Variants in PTBP3 observed in about 807,000 individuals in gnomAD.
The protein encoded by PTBP3 is polypyrimidine tract binding protein 3, also known as polypyrimidine tract-binding protein 3.
In PTBP3, 20 loss-of-function variants were observed where a neutral mutation model predicts 58.7. That is an observed-to-expected ratio of 0.34 (90% CI 0.24 to 0.50). The LOEUF is 0.50. PTBP3 is among the 20% of genes least tolerant of loss of function. The pLI, the probability that PTBP3 is intolerant of heterozygous loss-of-function variation, is 0.98. For synonymous variants in PTBP3, 185 were observed against 219.8 expected (o/e 0.84, Z 1.40); for missense variants, 509 against 637.2 (o/e 0.80, Z 2.17).
the PTBP3 span, among the ~76,000 whole-genome samples, chr9:112,355,820 G>A: frequency 1.3e-5 from 2 of 151,802 alleles, no homozygotes; most frequent in Non-Finnish European, 2.9e-5. Context: ...AGGGTTTCGC[G>A]TTGGCCAGGC....
Position 112,222,872 on chromosome 9 carries a change from T to C in PTBP3, c.*979A>G, listed in dbSNP as rs1315193565. ...GAGATTATAGTGGTACAAAAAACCC[T>C]TGAGATTAATTTTTTTCTAAAAGAA... On this transcript the variant is annotated 3_prime_UTR_variant, in exon 14 of 14. Coordinates refer to ENST00000374257, the MANE Select transcript of PTBP3 (RefSeq NM_001163788.4). The C allele has an allele frequency of 2.2e-6, 2 of 889,658 alleles. No individual in the cohort carries two copies. The highest frequency in any genetic ancestry group is 2.7e-6 in the Non-Finnish European group (2 of 742,612). 55.1% of individuals were successfully genotyped at this position (889,658 alleles called of 1,614,324 possible). A position where few individuals can be genotyped will look rare whatever the true frequency, so the allele number is the denominator to read the frequency against.
chr9:112,247,739 A>C (rs1175662752), intron 7 of PTBP3, among the ~76,000 whole-genome samples: 1 of 152,156 alleles, frequency 6.6e-6, no homozygotes, highest in Non-Finnish European at 1.5e-5. Flanking sequence ...GGATTAAAGG[A>C]CTGTATAGAT....
rs1019418756 is a variant in PTBP3 at position 112,223,387 on chromosome 9, G to T, written c.*464C>A. ...TATGTGAATATAATTTCCTACAAGG[G>T]TCAGACTTCTGATTCATAAGGTTAA... On this transcript the variant is annotated 3_prime_UTR_variant, in exon 14 of 14. Transcript: ENST00000374257. 1 of 953,442 alleles carries T rather than the reference G, an allele frequency of 1.0e-6. No homozygotes were observed. Among genetic ancestry groups the T allele is most frequent in the South Asian group, 4.8e-5 (1 of 20,794 alleles). 59.1% of individuals were successfully genotyped at this position (953,442 alleles called of 1,614,324 possible). A position where few individuals can be genotyped will look rare whatever the true frequency, so the allele number is the denominator to read the frequency against.
chr9:112,297,447 A>G (rs113136401), intron 2 of PTBP3, among the ~76,000 whole-genome samples: 7,378 of 152,196 alleles, frequency 0.048, 400 homozygotes, highest in African/African-American at 0.14. Context: ...TCAGGTGATC[A>G]GCCAGCCTCG....
intron 5 of PTBP3, among the ~76,000 whole-genome samples, chr9:112,256,696 A>G (rs1490447263): frequency 6.6e-6 from 1 of 151,750 alleles, no homozygotes; most frequent in African/African-American, 2.4e-5. Context: ...GCTAATTTTT[A>G]AATTTTTTTA....
At chr9:112,290,532 T>C (rs902065483) in intron 2 of PTBP3, among the ~76,000 whole-genome samples, 9 of 151,240 alleles carry the variant, frequency 6.0e-5, no homozygotes, top group South Asian at 4.2e-4. Context: ...ATTAGCCATG[T>C]GTAGTGGCAC....
At chr9:112,325,712 T>C (rs1030664102) in intron 1 of PTBP3, among the ~76,000 whole-genome samples, 1 of 151,902 alleles carries the variant, frequency 6.6e-6, no homozygotes, top group Admixed American at 6.6e-5. Context: ...TATGATTCCA[T>C]TTATATGAGG....
chr9:112,219,311 A>T lies in PTBP3; in HGVS notation c.*4540T>A, dbSNP rs1834727052. 6.6e-6 allele frequency: 1 copy of T among 152,572 alleles called. No individual in the cohort carries two copies. The highest frequency in any genetic ancestry group is 2.1e-4 in the South Asian group (1 of 4,832). The allele number at this position is 152,572 out of a possible 1,614,324, so 9.5% of individuals were successfully genotyped here. A position where few individuals can be genotyped will look rare whatever the true frequency, so the allele number is the denominator to read the frequency against. The stretch of plus-strand genomic sequence containing the variant: ...AGTAAGGGGGAAAAAAGGCCAGAGT[A>T]TGATTTTTTTAATGGCATCAAAAAA... On this transcript the variant is annotated 3_prime_UTR_variant, in exon 14 of 14. Coordinates refer to ENST00000374257, the MANE Select transcript of PTBP3 (RefSeq NM_001163788.4).
chr9:112,222,808 G>T lies in PTBP3; in HGVS notation c.*1043C>A. On this transcript the variant is annotated 3_prime_UTR_variant, in exon 14 of 14. Transcript: ENST00000374257. ...AAGCACATAATAAGGCACATAATAA[G>T]AAATTAAGTAAATACACAGTAATTC... 5 of 905,572 alleles carry T rather than the reference G, an allele frequency of 5.5e-6. No homozygotes were observed. Among genetic ancestry groups the T allele is most frequent in the Non-Finnish European group, 6.6e-6 (5 of 757,100 alleles). The allele number at this position is 905,572 out of a possible 1,614,324, so 56.1% of individuals were successfully genotyped here. A position where few individuals can be genotyped will look rare whatever the true frequency, so the allele number is the denominator to read the frequency against.
At chr9:112,330,519 GAAC>G (rs1207812449) in intron 1 of PTBP3, 5 of 1,358,776 alleles carry the variant, frequency 3.7e-6, no homozygotes, top group Non-Finnish European at 5.1e-6. Context: ...CAAAGTTAGA[GAAC>G]AAGTTTTTAA....
rs530386348 is a variant in PTBP3 at position 112,274,311 on chromosome 9, G to A, written c.204+1533C>T. On this transcript the variant is annotated intron_variant, in intron 3 of 13. Coordinates refer to ENST00000374257, the MANE Select transcript of PTBP3 (RefSeq NM_001163788.4). ...CTTACTAATCTATTTATTTATAAAT[G>A]TATTTACCATGTGTTTCTTAAACCT... Among the ~76,000 whole-genome samples, 383 of 152,258 alleles carry A rather than the reference G, an allele frequency of 2.5e-3. 2 individuals are homozygous for A. The highest frequency in any genetic ancestry group is 4.3e-3 in the Non-Finnish European group (294 of 68,022).
In PTBP3 at chr9:112,275,894, G is replaced by A; in HGVS notation, c.154C>T (p.Leu52=). The change falls in exon 3 of 14, where the codon CTA becomes TTA. Residue 52 remains leucine, a synonymous_variant. Coordinates refer to ENST00000374257, the MANE Select transcript of PTBP3 (RefSeq NM_001163788.4). ...VTEAEIISLG[L]PFGKVTNLLM... The stretch of plus-strand genomic sequence containing the variant: ...AGATTAGTTACTTTGCCAAATGGTA[G>A]ACCTAATGATATGATCTCTGCTTCG... 6.2e-7 allele frequency: 1 copy of A among 1,613,884 alleles called. No homozygotes were observed. The highest frequency in any genetic ancestry group is 8.5e-7 in the Non-Finnish European group (1 of 1,179,834).
chr9:112,363,834 A>C, the PTBP3 span, among the ~76,000 whole-genome samples: 1 of 152,228 alleles, frequency 6.6e-6, no homozygotes, highest in Non-Finnish European at 1.5e-5. Flanking sequence ...TATAATCAAT[A>C]AACCAACATT....
the PTBP3 span, among the ~76,000 whole-genome samples, chr9:112,353,834 T>C: frequency 1.6e-4 from 24 of 152,130 alleles, no homozygotes; most frequent in African/African-American, 5.8e-4. Flanking sequence ...GGCTGGCGCC[T>C]GTAATCCCAG....
At chr9:112,307,368 T>A (rs1695326752) in intron 1 of PTBP3, among the ~76,000 whole-genome samples, 1 of 152,016 alleles carries the variant, frequency 6.6e-6, no homozygotes, top group Non-Finnish European at 1.5e-5. Flanking sequence ...GTGGGAGGAT[T>A]GATTGAGCCA....
intron 7 of PTBP3, among the ~76,000 whole-genome samples, chr9:112,239,117 TTCTA>T (rs1292314168): frequency 1.8e-4 from 27 of 152,188 alleles, no homozygotes; most frequent in Admixed American, 5.2e-4. Context: ...TCCTAATTTC[TTCTA>T]TTATGTAAGA....
chr9:112,327,457 C>T (rs544341249), intron 1 of PTBP3, among the ~76,000 whole-genome samples: 9 of 149,742 alleles, frequency 6.0e-5, no homozygotes, highest in Admixed American at 3.3e-4. Flanking sequence ...CTACTCAGGA[C>T]GCTGAGGCAG....
the PTBP3 span, among the ~76,000 whole-genome samples, chr9:112,339,919 C>T: frequency 1.3e-5 from 2 of 152,060 alleles, no homozygotes; most frequent in Non-Finnish European, 2.9e-5. Flanking sequence ...ATAACCATGA[C>T]ACTAAATGTT....
chr9:112,223,423 A>G lies in PTBP3; in HGVS notation c.*428T>C, dbSNP rs533871076. On this transcript the variant is annotated 3_prime_UTR_variant, in exon 14 of 14. Transcript: ENST00000374257. ...GATTCATAAGGTTAATAACTTGGTCATAAGTGATTTAAATTACTTACATCA... is the reference window on the plus strand; with the variant it reads ...GATTCATAAGGTTAATAACTTGGTCGTAAGTGATTTAAATTACTTACATCA... 2.2e-6 allele frequency: 2 copies of G among 925,054 alleles called. No individual in the cohort carries two copies. Among genetic ancestry groups the G allele is most frequent in the Admixed American group, 5.7e-5 (1 of 17,440 alleles). The allele number at this position is 925,054 out of a possible 1,614,324, so 57.3% of individuals were successfully genotyped here.
Sources: gnomAD v4.1 joint callset for allele counts (sites outside exome capture counted in the v4.1 genomes callset) on GRCh38, gnomAD v4.1.1 for gene constraint, MANE v1.5 for transcripts, NCBI Gene and HGNC (gene_info 2026-07-23, HGNC 2026-07-21) for gene names.